Variants in CFAP251 observed in about 807,000 individuals in gnomAD.
The protein encoded by CFAP251 is cilia and flagella associated protein 251.
A neutral mutation model predicts 126.7 loss-of-function variants in CFAP251; 93 were observed. That is an observed-to-expected ratio of 0.73 (90% CI 0.62 to 0.87). CFAP251 has a LOEUF of 0.87. Ranked by LOEUF, CFAP251 falls within the 40% of genes least tolerant of loss-of-function variation. CFAP251 has a pLI of 0.00. For missense variants in CFAP251, 1,287 were observed against 1,389.2 expected (o/e 0.93, Z 1.17); for synonymous variants, 503 against 506.9 (o/e 0.99, Z 0.10).
chr12:121,991,933 C>T (rs1418111848), intron 19 of CFAP251, among the ~76,000 whole-genome samples: 1 of 152,076 alleles, frequency 6.6e-6, no homozygotes, highest in Non-Finnish European at 1.5e-5. Flanking sequence ...GTGGAGGTTG[C>T]TGTGATCCGA....
At chr12:121,998,267 G>C (rs1038499223) in intron 19 of CFAP251, 1 of 151,156 alleles carries the variant, frequency 6.6e-6, no homozygotes, top group African/African-American at 2.4e-5. Flanking sequence ...GCCCAAGCTG[G>C]TCTCGAACTC....
chr12:121,922,768 T>C (rs1880237695), intron 2 of CFAP251, among the ~76,000 whole-genome samples: 1 of 106,488 alleles, frequency 9.4e-6, no homozygotes, highest in African/African-American at 4.3e-5. Context: ...ACGTTTGTCC[T>C]GTTCTTTTCT....
At chr12:121,929,814 A>G (rs1880606475) in intron 3 of CFAP251, among the ~76,000 whole-genome samples, 1 of 151,912 alleles carries the variant, frequency 6.6e-6, no homozygotes, top group African/African-American at 2.4e-5. Context: ...AGTAGCTGGG[A>G]TTACAGGCAT....
chr12:121,963,654 G>A (rs1882024192), intron 15 of CFAP251, among the ~76,000 whole-genome samples: 1 of 148,070 alleles, frequency 6.8e-6, no homozygotes, highest in Non-Finnish European at 1.5e-5. Flanking sequence ...TTTGGCCCCT[G>A]TGAGCCCTCA....
At chr12:121,929,916 G>A (rs941672699) in intron 3 of CFAP251, among the ~76,000 whole-genome samples, 1 of 152,130 alleles carries the variant, frequency 6.6e-6, no homozygotes, top group Non-Finnish European at 1.5e-5. Context: ...GACCTGAGAT[G>A]ATCCACCCGC....
At chr12:121,978,862 T>C (rs532254148) in intron 19 of CFAP251, among the ~76,000 whole-genome samples, 135 of 152,302 alleles carry the variant, frequency 8.9e-4, no homozygotes, top group African/African-American at 2.7e-3. Context: ...TTTGCACACT[T>C]CTCTCATTAT....
chr12:121,921,684 G>A lies in CFAP251; in HGVS notation c.378+1G>A, dbSNP rs758234227. The A allele has an allele frequency of 2.5e-6, 4 of 1,602,760 alleles. No homozygotes were observed. The highest frequency in any genetic ancestry group is 3.4e-5 in the Admixed American group (2 of 57,976). On this transcript the variant is annotated splice_donor_variant, in intron 2 of 21. Coordinates refer to ENST00000288912, the MANE Select transcript of CFAP251 (RefSeq NM_144668.6). LOFTEE classifies it high-confidence loss of function. ...GTCAATCACATCAGGAATTTTCCCA[G>A]TAAGTAGTCATCTTAATTCATTCAT... is the stretch of plus-strand genomic sequence containing the variant.
At position 121,974,239 on chromosome 12, in the gene CFAP251, C is replaced by T. The variant is rs11043278; in HGVS notation, c.2772-1005C>T. Among the ~76,000 whole-genome samples, 48,541 of 152,010 alleles carry T rather than the reference C, an allele frequency of 0.32. 10,020 individuals carry two copies. The highest frequency in any genetic ancestry group is 0.47 in the Non-Finnish European group (32,029 of 67,966). On this transcript the variant is annotated intron_variant, in intron 17 of 21. Transcript: ENST00000288912. This position sits in a 1 kb window ranked among gnomAD's most constrained non-coding sequence, Gnocchi z 4.6. ...CATGTGAGACATGCCTTTCACCTTG[C>T]GCCATAATTGTGAGTCCTCCCCAGC...
In CFAP251 at chr12:121,948,989, C is replaced by T. The variant is rs751494184; in HGVS notation, c.1197C>T (p.Tyr399=). Reference sequence around the variant, plus strand: ...TTTCATACTTTATATTTCAGAACTACGTTACTTTTAACCCAACAAATAATA... The same window carrying T: ...TTTCATACTTTATATTTCAGAACTATGTTACTTTTAACCCAACAAATAATA... ...ELPTEYGVQN[Y]VTFNPTNNKE... The change falls in exon 8 of 22, where the codon TAC becomes TAT. Residue 399 remains tyrosine (Y), a synonymous_variant. Coordinates refer to ENST00000288912, the MANE Select transcript of CFAP251 (RefSeq NM_144668.6). 42 of 1,559,048 alleles carry T rather than the reference C, an allele frequency of 2.7e-5. No homozygotes were observed. Among genetic ancestry groups the T allele is most frequent in the South Asian group, 6.0e-5 (5 of 83,124 alleles).
chr12:121,958,634 A>G, intron 12 of CFAP251, 112 bp downstream of exon 12: 2 of 1,472,296 alleles, frequency 1.4e-6, no homozygotes, highest in Non-Finnish European at 1.8e-6. Flanking sequence ...AGCCCCCAGC[A>G]GGCTGGATGA....
rs1312292056 is a variant in CFAP251 at position 121,974,330 on chromosome 12, T to TA, written c.2772-913dup. Among the ~76,000 whole-genome samples the TA allele has an allele frequency of 1.3e-5, 2 of 152,220 alleles. No homozygotes were observed. Among genetic ancestry groups the TA allele is most frequent in the African/African-American group, 4.8e-5 (2 of 41,464 alleles). ...AATTGCCCAGTCTCGGGTATGTTTT[T>TA]ATCAGCAGCATGAAAACAGACTAGA... On this transcript the variant is annotated intron_variant, in intron 17 of 21. Coordinates refer to ENST00000288912, the MANE Select transcript of CFAP251 (RefSeq NM_144668.6). The surrounding 1 kb of genome is among the most constrained non-coding windows in gnomAD (Gnocchi z 4.6).
chr12:121,924,067 G>C, intron 3 of CFAP251, 77 bp downstream of exon 3: 9 of 1,461,714 alleles, frequency 6.2e-6, no homozygotes, highest in Non-Finnish European at 8.2e-6. Flanking sequence ...GCATGTTGGG[G>C]GAAAAAGAAT....
In CFAP251 at chr12:122,001,561, G is replaced by C; in HGVS notation, c.3300G>C (p.Glu1100Asp). The C allele has an allele frequency of 6.2e-7, 1 of 1,614,152 alleles. No homozygotes were observed. The highest frequency in any genetic ancestry group is 8.5e-7 in the Non-Finnish European group (1 of 1,180,022). Residue 1100 changes from glutamate to aspartate, a missense_variant, in exon 21 of 22, where the codon GAG becomes GAC. Glu to Asp is a conservative substitution (Grantham distance 45). Transcript: ENST00000288912. Reference protein sequence around the residue: ...CFASLFGLNPEGWKSEPATCS... With the variant: ...CFASLFGLNPDGWKSEPATCS... ...CTTCACTGTTTGGCCTGAATCCCGA[G>C]GGATGGAAATCCGAGCCTGCAACCT...
At chr12:121,960,437 C>T in intron 13 of CFAP251, 148 bp from the exon 14 acceptor site, 1 of 752,464 alleles carries the variant, frequency 1.3e-6, no homozygotes, top group South Asian at 1.8e-5. Context: ...AGGCTGGTCT[C>T]AAACTCCCGA....
intron 15 of CFAP251, 60 bp downstream of exon 15, chr12:121,962,222 G>C: frequency 6.5e-7 from 1 of 1,532,778 alleles, no homozygotes; most frequent in Non-Finnish European, 8.9e-7. Flanking sequence ...CCCCCAACCT[G>C]TTTCAGGTCT....
chr12:121,961,151 G>A (rs576769376), intron 14 of CFAP251, among the ~76,000 whole-genome samples: 1 of 152,162 alleles, frequency 6.6e-6, no homozygotes, highest in South Asian at 2.1e-4. Context: ...TGTGAGATAA[G>A]AGGAAAAGGT....
intron 3 of CFAP251, among the ~76,000 whole-genome samples, chr12:121,926,078 G>A (rs1198559655): frequency 7.1e-6 from 1 of 140,350 alleles, no homozygotes; most frequent in Non-Finnish European, 1.5e-5. Context: ...TGTTAGCCCG[G>A]ATGGTCTTGA....
At position 121,921,420 on chromosome 12, in the gene CFAP251, G is replaced by T. The variant is rs1172165931; in HGVS notation, c.115G>T (p.Glu39Ter). 2.5e-6 allele frequency: 4 copies of T among 1,613,778 alleles called. No individual in the cohort carries two copies. The highest frequency in any genetic ancestry group is 3.4e-6 in the Non-Finnish European group (4 of 1,179,964). ...TAAAGAAGTAGAAGATCCACAACAG[G>T]AATCAAAAGATGACACAATAGCATG... ...NYKEVEDPQQ[E>*]SKDDTIAWRE... Residue 39 changes from glutamate to a stop codon, truncating the protein, a stop_gained, in exon 2 of 22, where the codon GAA becomes TAA. Coordinates refer to ENST00000288912, the MANE Select transcript of CFAP251 (RefSeq NM_144668.6). LOFTEE classifies it high-confidence loss of function.
intron 2 of CFAP251, 135 bp from the exon 3 acceptor site, chr12:121,923,486 TC>T (rs1316624063): frequency 3.4e-5 from 40 of 1,190,090 alleles, no homozygotes; most frequent in Non-Finnish European, 4.6e-5. Context: ...TACAAAATGT[TC>T]CAGCCTCTTT....
Sources: gnomAD v4.1 joint callset for allele counts (sites outside exome capture counted in the v4.1 genomes callset) on GRCh38, gnomAD v4.1.1 for gene constraint, Gnocchi (gnomAD v3.1) non-coding constraint, MANE v1.5 for transcripts, NCBI Gene and HGNC (gene_info 2026-07-23, HGNC 2026-07-21) for gene names.